The following SNTG1 variants were observed in gnomAD, a reference collection of about 807,000 sequenced individuals.
SNTG1 encodes gamma-1-syntrophin.
A neutral mutation model predicts 74.7 loss-of-function variants in SNTG1; 39 were observed. The observed-to-expected ratio is 0.52, with a 90% CI of 0.40 to 0.68. SNTG1 has a LOEUF of 0.68. Ranked by LOEUF, SNTG1 falls within the 30% of genes least tolerant of loss-of-function variation. The pLI is 0.00. For synonymous variants in SNTG1, 254 were observed against 217.1 expected, an observed-to-expected ratio of 1.17 and a Z score of -1.49; for missense variants, 685 against 609.5, an observed-to-expected ratio of 1.12 and a Z score of -1.30.
At position 50,450,682 on chromosome 8, in the gene SNTG1, T is replaced by A; in HGVS notation, c.322-6T>A. On this transcript the variant is annotated splice_polypyrimidine_tract_variant and splice_region_variant and intron_variant, in intron 7 of 18. Transcript: ENST00000642720. ...ATGGGAAACTATGCTTTTCTTTTCA[T>A]TGCAGATAAATGGCATTAATGTGAG... is the stretch of plus-strand genomic sequence containing the variant. 3.7e-6 allele frequency: 6 copies of A among 1,613,488 alleles called. No homozygotes were observed. The highest frequency in any genetic ancestry group is 3.4e-6 in the Non-Finnish European group (4 of 1,179,752).
chr8:49,915,499 T>G (rs1489310449), intron 1 of SNTG1, among the ~76,000 whole-genome samples: 2 of 152,218 alleles, frequency 1.3e-5, no homozygotes, highest in Non-Finnish European at 2.9e-5. Context: ...ATAAGTGATA[T>G]TCAATGAAGG....
intron 3 of SNTG1, among the ~76,000 whole-genome samples, chr8:50,398,328 C>T (rs1383421456): frequency 1.3e-5 from 2 of 152,220 alleles, no homozygotes; most frequent in Non-Finnish European, 2.9e-5. Context: ...TGGTCCTCTC[C>T]AGACATCTCT....
rs950118332 is a variant in SNTG1, at chr8:50,529,499, TA to T, written c.467-672del. 4.1e-4 allele frequency among the ~76,000 whole-genome samples: 62 copies of T among 152,146 alleles called. 1 individual carries two copies. Among genetic ancestry groups the T allele is most frequent in the African/African-American group, 1.5e-3 (62 of 41,576 alleles). On this transcript the variant is annotated intron_variant, in intron 9 of 18. Transcript: ENST00000642720. ...TAATATTTATAAACATTAGTAACTT[TA>T]AAAAATATCTTTAGAAAAATCAAAT...
chr8:49,951,720 G>A (rs1809722255), intron 1 of SNTG1, among the ~76,000 whole-genome samples: 1 of 150,768 alleles, frequency 6.6e-6, no homozygotes, highest in African/African-American at 2.4e-5. Flanking sequence ...TAACTAACCT[G>A]CACAATGTGC....
intron 1 of SNTG1, among the ~76,000 whole-genome samples, chr8:50,042,421 G>A (rs918728141): frequency 1.8e-4 from 27 of 152,062 alleles, no homozygotes; most frequent in Admixed American, 5.2e-4. Context: ...GAAAACTTCC[G>A]CGGGCTGGGA....
chr8:50,570,321 C>T (rs1274755315), intron 12 of SNTG1, among the ~76,000 whole-genome samples: 2 of 118,658 alleles, frequency 1.7e-5, no homozygotes, highest in East Asian at 2.5e-4. Context: ...TACAGTGGTG[C>T]GATCTCGGTT....
At chr8:50,687,748 T>G (rs1306722671) in intron 15 of SNTG1, among the ~76,000 whole-genome samples, 1 of 151,766 alleles carries the variant, frequency 6.6e-6, no homozygotes, top group African/African-American at 2.4e-5. Context: ...CAGTCCATGG[T>G]GTGTGATGTT....
chr8:50,414,273 T>C lies in SNTG1; in HGVS notation c.162+11929T>C, dbSNP rs554004537. On this transcript the variant is annotated intron_variant, in intron 4 of 18. Transcript: ENST00000642720. ...TTTAAACTAAATTCTCAGTTGGGGATATGAGGCCACACAGGTAGAGACAAT... is the reference window on the plus strand; with the variant it reads ...TTTAAACTAAATTCTCAGTTGGGGACATGAGGCCACACAGGTAGAGACAAT... Among the ~76,000 whole-genome samples the C allele has an allele frequency of 5.9e-5, 9 of 152,290 alleles. No individual in the cohort carries two copies. The East Asian group carries it at 9.6e-4, about 16-fold the overall frequency.
intron 2 of SNTG1, among the ~76,000 whole-genome samples, chr8:50,294,469 G>A (rs1868638): frequency 0.47 from 71,540 of 152,086 alleles, 19,399 homozygotes; most frequent in East Asian, 0.83. Context: ...CCCAAAATTT[G>A]CAGTTGAAGT....
intron 1 of SNTG1, among the ~76,000 whole-genome samples, chr8:50,155,007 A>T (rs748899978): frequency 6.6e-6 from 1 of 152,254 alleles, no homozygotes; most frequent in African/African-American, 2.4e-5. Flanking sequence ...TACTATACTT[A>T]CAACTTTTTT....
rs1037637931 is a variant in SNTG1, at chr8:50,708,231, T to C, written c.1192-655T>C. On this transcript the variant is annotated intron_variant, in intron 16 of 18. Coordinates refer to ENST00000642720, the MANE Select transcript of SNTG1 (RefSeq NM_018967.5). ...AAAAAACCCCAAACAAGAAAAATTA[T>C]AATATTATCTGATCTCATTGTGAAA... 5 of 157,636 alleles carry C rather than the reference T, an allele frequency of 3.2e-5. No individual in the cohort carries two copies. The South Asian group carries it at 6.2e-4, about 19-fold the overall frequency. The allele number at this position is 157,636 out of a possible 1,614,324, so 9.8% of individuals were successfully genotyped here. A position where few individuals can be genotyped will look rare whatever the true frequency, so the allele number is the denominator to read the frequency against.
rs989985818 is a variant in SNTG1, at chr8:50,515,398, T to G, written c.466+12518T>G. Among the ~76,000 whole-genome samples, 151 of 103,608 alleles carry G rather than the reference T, an allele frequency of 1.5e-3. 1 individual carries two copies. Among genetic ancestry groups the G allele is most frequent in the African/African-American group, 8.8e-3 (145 of 16,464 alleles). The allele number at this position is 103,608 out of a possible 152,430, so 68.0% of individuals were successfully genotyped here. ...AGCTAGCTGCAGGAGTTTTTTTTTT[T>G]TTTTTTTTTTTTTTTTTGTTACTCC... On this transcript the variant is annotated intron_variant, in intron 9 of 18. Transcript: ENST00000642720.
chr8:50,584,018 C>T (rs995124795), intron 12 of SNTG1, among the ~76,000 whole-genome samples: 1 of 151,928 alleles, frequency 6.6e-6, no homozygotes, highest in African/African-American at 2.4e-5. Flanking sequence ...TGAGAACATG[C>T]GGTGTTTGGT....
chr8:50,645,313 A>G (rs2095101406), intron 13 of SNTG1, among the ~76,000 whole-genome samples: 1 of 151,452 alleles, frequency 6.6e-6, no homozygotes, highest in Non-Finnish European at 1.5e-5. Flanking sequence ...TCTATTTTTT[A>G]TTTGTAGGTA....
intron 13 of SNTG1, among the ~76,000 whole-genome samples, chr8:50,608,137 G>T (rs1050970315): frequency 2.6e-5 from 4 of 151,606 alleles, no homozygotes; most frequent in Non-Finnish European, 5.9e-5. Flanking sequence ...GGATCATGTT[G>T]CAGGGATTTT....
At chr8:50,550,414 A>G (rs1485891064) in intron 11 of SNTG1, among the ~76,000 whole-genome samples, 2 of 152,182 alleles carry the variant, frequency 1.3e-5, no homozygotes, top group African/African-American at 4.8e-5. Flanking sequence ...AACTATATTA[A>G]TTAGAAATGA....
intron 18 of SNTG1, among the ~76,000 whole-genome samples, chr8:50,755,916 C>G (rs1199830446): frequency 6.6e-6 from 1 of 151,060 alleles, no homozygotes; most frequent in African/African-American, 2.4e-5. Context: ...GGTAAGGTAT[C>G]TGTTAAGGTT....
At chr8:50,425,711 T>C (rs548176483) in intron 4 of SNTG1, among the ~76,000 whole-genome samples, 2 of 152,282 alleles carry the variant, frequency 1.3e-5, no homozygotes, top group East Asian at 3.9e-4. Context: ...TTAACATACA[T>C]ACCTTACTTT....
intron 13 of SNTG1, among the ~76,000 whole-genome samples, chr8:50,599,567 T>A (rs149177877): frequency 1.3e-5 from 2 of 152,050 alleles, no homozygotes; most frequent in Non-Finnish European, 2.9e-5. Context: ...TTTGAGGTGA[T>A]CTTTCATTTC....
Sources: gnomAD v4.1 joint callset for allele counts (sites outside exome capture counted in the v4.1 genomes callset) on GRCh38, gnomAD v4.1.1 for gene constraint, MANE v1.5 for transcripts, NCBI Gene and HGNC (gene_info 2026-07-23, HGNC 2026-07-21) for gene names.